Variants in GCN1 observed in about 807,000 individuals in gnomAD.
GCN1 encodes GCN1 activator of EIF2AK4, also known as stalled ribosome sensor GCN1.
GCN1 carries 90 observed loss-of-function variants against 288.4 expected under a neutral mutation model. The observed-to-expected ratio is 0.31, with a 90% CI of 0.26 to 0.37. The LOEUF is 0.37. Among genes scored for constraint, GCN1 ranks in the 10% least tolerant of loss-of-function variants. The pLI is 1.00. For synonymous variants in GCN1, 1,386 were observed against 1,420.2 expected (o/e 0.98, Z 0.54); for missense variants, 2,586 against 3,419.9 (o/e 0.76, Z 6.08).
At chr12:120,181,477 A>AAAAAAAC in intron 5 of GCN1, among the ~76,000 whole-genome samples, 1 of 150,712 alleles carries the variant, frequency 6.6e-6, no homozygotes, top group Non-Finnish European at 1.5e-5. Flanking sequence ...AAAAAAAAAA[A>AAAAAAAC]AAAAAAAAAG....
Position 120,170,686 on chromosome 12 carries a change from T to C in GCN1, c.1367-365A>G, listed in dbSNP as rs143120004. ...AGCTGGGCGTGGTCCAGTTATTCAA[T>C]TGATGGATAAGCAGAGACATTAGGT... is the stretch of plus-strand genomic sequence containing the variant. On this transcript the variant is annotated intron_variant, in intron 14 of 57. Coordinates refer to ENST00000300648, the MANE Select transcript of GCN1 (RefSeq NM_006836.2). Among the ~76,000 whole-genome samples, 638 of 151,972 alleles carry C rather than the reference T, an allele frequency of 4.2e-3. 4 individuals are homozygous for C. The highest frequency in any genetic ancestry group is 0.014 in the African/African-American group (590 of 41,452).
intron 14 of GCN1, 79 bp from the exon 15 acceptor site, chr12:120,170,400 A>G: frequency 7.7e-7 from 1 of 1,301,764 alleles, no homozygotes; most frequent in Non-Finnish European, 1.1e-6. Flanking sequence ...TTATCTAACC[A>G]GCTGTGAACC....
At position 120,170,226 on chromosome 12, in the gene GCN1, C is replaced by T. The variant is rs1003781247; in HGVS notation, c.1462G>A (p.Glu488Lys). Residue 488 changes from glutamate (E) to lysine (K), a missense_variant, in exon 15 of 58, where the codon GAA becomes AAA. By Grantham distance (56) the Glu-to-Lys change is moderately conservative (BLOSUM62 1). Transcript: ENST00000300648. Reference sequence around the variant, plus strand: ...AGCAACAAGGCTGCGGCAACCCCTTCAGTGATGGTGGGAACCTGAGTGCTT... The same window carrying T: ...AGCAACAAGGCTGCGGCAACCCCTTTAGTGATGGTGGGAACCTGAGTGCTT... ...SQSTQVPTIT[E>K]GVAAALLLLK... 4 of 1,614,026 alleles carry T rather than the reference C, an allele frequency of 2.5e-6. No individual in the cohort carries two copies. The highest frequency in any genetic ancestry group is 3.3e-5 in the Admixed American group (2 of 60,002).
chr12:120,134,504 G>A lies in GCN1; in HGVS notation c.7202+29C>T, dbSNP rs1876934071. 1 of 1,606,616 alleles carries A rather than the reference G, an allele frequency of 6.2e-7. No homozygotes were observed. The highest frequency in any genetic ancestry group is 2.2e-5 in the East Asian group (1 of 44,738). Reference sequence around the variant, plus strand: ...CACAGCAACCCCTGGCCTCCTGGAGGCCACAGTGCTCCCTTGCCAGCGCCG... The same window carrying A: ...CACAGCAACCCCTGGCCTCCTGGAGACCACAGTGCTCCCTTGCCAGCGCCG... On this transcript the variant is annotated intron_variant, in intron 52 of 57. Coordinates refer to ENST00000300648, the MANE Select transcript of GCN1 (RefSeq NM_006836.2). This position sits in a 1 kb window ranked among gnomAD's most constrained non-coding sequence, Gnocchi z 5.0.
intron 47 of GCN1, 43 bp downstream of exon 47, chr12:120,138,280 A>G (rs1310083132): frequency 7.9e-7 from 1 of 1,268,406 alleles, no homozygotes; most frequent in South Asian, 1.2e-5. Flanking sequence ...GGAAATGTCA[A>G]TGCCCTGGAG....
chr12:120,173,057 CTTTTT>C (rs963596285), intron 14 of GCN1, among the ~76,000 whole-genome samples: 1 of 130,300 alleles, frequency 7.7e-6, no homozygotes, highest in African/African-American at 2.9e-5. Flanking sequence ...TTAAACCAGT[CTTTTT>C]TTTTTTTTTT....
chr12:120,154,435 A>G (rs527471312), intron 31 of GCN1, among the ~76,000 whole-genome samples: 1 of 152,360 alleles, frequency 6.6e-6, no homozygotes, highest in Admixed American at 6.5e-5. Context: ...TGAGCCATTC[A>G]GAGAACTAAC....
At chr12:120,133,149 C>T (rs531921811) in intron 53 of GCN1, among the ~76,000 whole-genome samples, 12 of 152,266 alleles carry the variant, frequency 7.9e-5, no homozygotes, top group African/African-American at 2.9e-4. Context: ...CCTTTGGAGC[C>T]ATGGGAAGTG....
intron 5 of GCN1, among the ~76,000 whole-genome samples, chr12:120,179,239 T>C (rs75141654): frequency 6.9e-6 from 1 of 145,090 alleles, no homozygotes; most frequent in Non-Finnish European, 1.5e-5. Flanking sequence ...TGGTCCCTGC[T>C]TTTTTTTTTT....
chr12:120,138,246 G>A (rs1877076776), intron 47 of GCN1, 77 bp downstream of exon 47: 1 of 1,023,554 alleles, frequency 9.8e-7, no homozygotes, highest in Non-Finnish European at 1.6e-6. Context: ...TCTACGTTCA[G>A]AACTGGTCTT....
chr12:120,138,746 G>C lies in GCN1; in HGVS notation c.6105C>G (p.Thr2035=). The C allele has an allele frequency of 2.5e-6, 4 of 1,614,214 alleles. 1 individual carries two copies. In the South Asian group the frequency reaches 3.3e-5, roughly 13 times the overall value. Residue 2035 remains threonine (T), a synonymous_variant, in exon 46 of 58, where the codon ACC becomes ACG. Transcript: ENST00000300648. ...AAKTFEQLHS[T]IGHQALEDIL... ...TGTCCTCCAGAGCCTGGTGGCCGATGGTGGAATGCAGCTGCTCGAAAGTCT... is the reference window on the plus strand; with the variant it reads ...TGTCCTCCAGAGCCTGGTGGCCGATCGTGGAATGCAGCTGCTCGAAAGTCT...
intron 34 of GCN1, among the ~76,000 whole-genome samples, chr12:120,150,870 G>A (rs1877524868): frequency 6.6e-6 from 1 of 151,956 alleles, no homozygotes; most frequent in Non-Finnish European, 1.5e-5. Flanking sequence ...CCAGGAGGCT[G>A]AGCTTGCAGT....
chr12:120,177,001 G>A (rs369151464), intron 9 of GCN1, among the ~76,000 whole-genome samples: 16 of 152,230 alleles, frequency 1.1e-4, no homozygotes, highest in African/African-American at 3.6e-4. Flanking sequence ...CCTGACCTCA[G>A]GTGATCTACC....
At chr12:120,163,466 C>A (rs1469609147) in intron 18 of GCN1, among the ~76,000 whole-genome samples, 1 of 152,212 alleles carries the variant, frequency 6.6e-6, no homozygotes, top group Non-Finnish European at 1.5e-5. Context: ...GGCTTTGCAT[C>A]TAAAAAGCCT....
chr12:120,171,100 CATT>C (rs1218955551), intron 14 of GCN1, among the ~76,000 whole-genome samples: 1 of 142,864 alleles, frequency 7.0e-6, no homozygotes, highest in Non-Finnish European at 1.5e-5. Context: ...GAGATTGTGC[CATT>C]GCACTCCAGC....
intron 15 of GCN1, among the ~76,000 whole-genome samples, chr12:120,169,723 C>T (rs938101804): frequency 3.9e-5 from 6 of 152,152 alleles, no homozygotes; most frequent in African/African-American, 1.4e-4. Context: ...AGAATGGTCT[C>T]GAAATCTTGA....
intron 9 of GCN1, 59 bp downstream of exon 9, chr12:120,177,388 G>C: frequency 2.5e-6 from 2 of 813,336 alleles, no homozygotes; most frequent in South Asian, 1.5e-5. Flanking sequence ...GCCAAATATC[G>C]AGAATAGAGA....
At chr12:120,154,635 C>T (rs779840251) in intron 31 of GCN1, among the ~76,000 whole-genome samples, 1 of 152,234 alleles carries the variant, frequency 6.6e-6, no homozygotes, top group South Asian at 2.1e-4. Context: ...AACACGCTCA[C>T]GGTCACGCAG....
At chr12:120,170,102 C>T in intron 15 of GCN1, 67 bp downstream of exon 15, 3 of 1,413,312 alleles carry the variant, frequency 2.1e-6, no homozygotes, top group Non-Finnish European at 3.0e-6. Flanking sequence ...AACATCAAGA[C>T]ACACCTCCCA....
Sources: gnomAD v4.1 joint callset for allele counts (sites outside exome capture counted in the v4.1 genomes callset) on GRCh38, gnomAD v4.1.1 for gene constraint, Gnocchi (gnomAD v3.1) non-coding constraint, MANE v1.5 for transcripts, NCBI Gene and HGNC (gene_info 2026-07-23, HGNC 2026-07-21) for gene names.